KIFC3: variants seen among roughly 807,000 people sequenced by gnomAD.
KIFC3 encodes the protein kinesin-like protein KIFC3.
Under a neutral mutation model 101.8 loss-of-function variants are expected in KIFC3, and 60 were observed. That is an observed-to-expected ratio of 0.59 (90% CI 0.48 to 0.73). The LOEUF (loss-of-function observed/expected upper bound fraction) is 0.73. KIFC3 is among the 30% of genes least tolerant of loss of function. The pLI is 0.00. For missense variants in KIFC3, 966 were observed against 1,137.1 expected (o/e 0.85, Z 2.16); for synonymous variants, 476 against 482.7 (o/e 0.99, Z 0.18).
At chr16:57,853,545 G>A (rs1308130170) in intron 1 of KIFC3, among the ~76,000 whole-genome samples, 2 of 152,116 alleles carry the variant, frequency 1.3e-5, no homozygotes, top group Non-Finnish European at 2.9e-5. Context: ...ACCCAAATTC[G>A]AGCATATTAA....
chr16:57,798,064 G>GGA lies in KIFC3; in HGVS notation c.172+6_172+7dup. On this transcript the variant is annotated splice_region_variant and intron_variant, in intron 2 of 19. Coordinates refer to ENST00000445690, the MANE Select transcript of KIFC3 (RefSeq NM_001130100.2). The stretch of plus-strand genomic sequence containing the variant: ...AAATAAAGAGGCATTTTAAAAATGC[G>GGA]GACTCACCAGTTCTCAACCTCCCCG... 1.3e-6 allele frequency: 2 copies of GGA among 1,590,798 alleles called. No homozygotes were observed. Among genetic ancestry groups the GGA allele is most frequent in the Admixed American group, 1.7e-5 (1 of 57,566 alleles).
intron 1 of KIFC3, among the ~76,000 whole-genome samples, chr16:57,809,681 A>G (rs2055020279): frequency 1.3e-5 from 2 of 152,186 alleles, no homozygotes; most frequent in South Asian, 4.1e-4. Context: ...TTCTGAATAA[A>G]GAGTCTGAGC....
intron 1 of KIFC3, among the ~76,000 whole-genome samples, chr16:57,800,110 A>AAAAT (rs60844384): frequency 0.12 from 18,069 of 151,794 alleles, 1,265 homozygotes; most frequent in Middle Eastern, 0.19. Flanking sequence ...TTGAGAGGCA[A>AAAAT]AAATAAATAA....
intron 3 of KIFC3, among the ~76,000 whole-genome samples, chr16:57,791,386 T>C (rs868944566): frequency 3.0e-4 from 45 of 152,204 alleles, no homozygotes; most frequent in African/African-American, 1.1e-3. Context: ...ATTTCTGGCC[T>C]GTTGGCCAAG....
intron 2 of KIFC3, 176 bp downstream of exon 2, chr16:57,797,896 C>CG: frequency 3.4e-6 from 5 of 1,477,372 alleles, no homozygotes; most frequent in Non-Finnish European, 4.5e-6. Context: ...AGGGAAGGAG[C>CG]GCCCGGCGAG....
Position 57,758,511 on chromosome 16 carries a change from G to A in KIFC3, c.*423C>T, listed in dbSNP as rs1365387218. 1 of 487,822 alleles carries A rather than the reference G, an allele frequency of 2.0e-6. No individual in the cohort carries two copies. Among genetic ancestry groups the A allele is most frequent in the Non-Finnish European group, 3.8e-6 (1 of 259,850 alleles). The allele number at this position is 487,822 out of a possible 1,614,324, so 30.2% of individuals were successfully genotyped here. ...ACCCACCCCAGTCCCCATGGTTCTTGGGTCTGCCCAGAGGCTCCTCGCCCA... is the reference window on the plus strand; with the variant it reads ...ACCCACCCCAGTCCCCATGGTTCTTAGGTCTGCCCAGAGGCTCCTCGCCCA... On this transcript the variant is annotated 3_prime_UTR_variant, in exon 20 of 20. Transcript: ENST00000445690.
Position 57,760,273 on chromosome 16 carries a change from T to A in KIFC3, c.2367+9A>T. ...GCCACCTGAGCCAGGCCTGTGACAGTCCCCGTACCTCTAGATGCTCCTGGC... is the reference window on the plus strand; with the variant it reads ...GCCACCTGAGCCAGGCCTGTGACAGACCCCGTACCTCTAGATGCTCCTGGC... On this transcript the variant is annotated intron_variant, in intron 17 of 19. Coordinates refer to ENST00000445690, the MANE Select transcript of KIFC3 (RefSeq NM_001130100.2). The A allele has an allele frequency of 6.2e-7, 1 of 1,608,574 alleles. No individual in the cohort carries two copies. The highest frequency in any genetic ancestry group is 8.5e-7 in the Non-Finnish European group (1 of 1,176,290).
At position 57,802,448 on chromosome 16, in the gene KIFC3, C is replaced by G. The variant is rs1370128074; in HGVS notation, c.-118G>C. On this transcript the variant is annotated 5_prime_UTR_variant, in exon 1 of 20. Transcript: ENST00000445690. This position sits in a 1 kb window ranked among gnomAD's most constrained non-coding sequence, Gnocchi z 5.0. ...GGCCCGGCCCGCCGGCAGGAGGCAG[C>G]TCCACGCCGCCGCCTCCTCCTCGGC... 1.0e-6 allele frequency: 1 copy of G among 982,980 alleles called. No individual in the cohort carries two copies. Among genetic ancestry groups the G allele is most frequent in the Non-Finnish European group, 1.2e-6 (1 of 829,034 alleles). 60.9% of individuals were successfully genotyped at this position (982,980 alleles called of 1,614,324 possible).
chr16:57,767,887 G>C (rs1455132736), intron 9 of KIFC3, among the ~76,000 whole-genome samples: 1 of 152,126 alleles, frequency 6.6e-6, no homozygotes, highest in Non-Finnish European at 1.5e-5. Flanking sequence ...TGTTGCCGAA[G>C]CTGGTCTTGA....
chr16:57,769,481 G>T lies in KIFC3; in HGVS notation c.1218+114C>A. 3 of 1,339,546 alleles carry T rather than the reference G, an allele frequency of 2.2e-6. No homozygotes were observed. The highest frequency in any genetic ancestry group is 2.8e-5 in the South Asian group (2 of 71,744). 83.0% of individuals were successfully genotyped at this position (1,339,546 alleles called of 1,614,324 possible). On this transcript the variant is annotated intron_variant, in intron 9 of 19. Transcript: ENST00000445690. The surrounding 1 kb of genome is among the most constrained non-coding windows in gnomAD (Gnocchi z 4.3). ...TAAGTGTCATGGGGGGTGGGGCAGG[G>T]GCTGCTGTCTGAGCGGCTTTGTCTG...
Position 57,758,460 on chromosome 16 carries a change from G to A in KIFC3, c.*474C>T, listed in dbSNP as rs1269017321. 3.1e-5 allele frequency: 12 copies of A among 390,028 alleles called. No homozygotes were observed. Among genetic ancestry groups the A allele is most frequent in the South Asian group, 1.4e-4 (7 of 48,898 alleles). The allele number at this position is 390,028 out of a possible 1,614,324, so 24.2% of individuals were successfully genotyped here. A position where few individuals can be genotyped will look rare whatever the true frequency, so the allele number is the denominator to read the frequency against. On this transcript the variant is annotated 3_prime_UTR_variant, in exon 20 of 20. Transcript: ENST00000445690. Reference sequence around the variant, plus strand: ...GGAACCCTCCTTGAAGGAGAGGGGCGGGGAGGGCTGCCATTGGTGCCACCA... The same window carrying A: ...GGAACCCTCCTTGAAGGAGAGGGGCAGGGAGGGCTGCCATTGGTGCCACCA...
Position 57,771,540 on chromosome 16 carries a change from C to T in KIFC3, c.525+3G>A. The T allele has an allele frequency of 6.2e-7, 1 of 1,612,544 alleles. No individual in the cohort carries two copies. Among genetic ancestry groups the T allele is most frequent in the Non-Finnish European group, 8.5e-7 (1 of 1,179,290 alleles). ...GCATGGGGACCACGGCCATTCTGCT[C>T]ACCTGGCTGTGCTCACAACCTGGGC... On this transcript the variant is annotated splice_donor_region_variant and intron_variant, in intron 5 of 19. Transcript: ENST00000445690.
At chr16:57,771,145 C>T in intron 6 of KIFC3, 53 bp downstream of exon 6, 1 of 1,598,268 alleles carries the variant, frequency 6.3e-7, no homozygotes, top group Non-Finnish European at 8.5e-7. Context: ...TAGCCCTGCC[C>T]CAGGTGCCAG....
rs1444931482 is a variant in KIFC3 at position 57,770,830 on chromosome 16, G to A, written c.766-130C>T. The A allele has an allele frequency of 3.8e-6, 3 of 781,248 alleles. No individual in the cohort carries two copies. The African/African-American group carries it at 5.2e-5, about 14-fold the overall frequency. The allele number at this position is 781,248 out of a possible 1,614,324, so 48.4% of individuals were successfully genotyped here. On this transcript the variant is annotated intron_variant, in intron 6 of 19. Coordinates refer to ENST00000445690, the MANE Select transcript of KIFC3 (RefSeq NM_001130100.2). The stretch of plus-strand genomic sequence containing the variant: ...ACTCAGAAACCAGAAAAAAACTAGA[G>A]GAGCCTTGAGGTCCTGGCTTTCCAG...
chr16:57,843,482 C>T (rs62039942), intron 1 of KIFC3, among the ~76,000 whole-genome samples: 12,399 of 152,196 alleles, frequency 0.081, 505 homozygotes, highest in South Asian at 0.12. Context: ...GAACTGATGG[C>T]GCTGGGTTCT....
chr16:57,850,465 G>GTTT (rs373157438), intron 1 of KIFC3, among the ~76,000 whole-genome samples: 2,086 of 84,108 alleles, frequency 0.025, 76 homozygotes, highest in Middle Eastern at 0.051. Flanking sequence ...TTTAAAAAGG[G>GTTT]TTTTTTTTTT....
intron 2 of KIFC3, among the ~76,000 whole-genome samples, chr16:57,795,360 G>A (rs1037683391): frequency 1.3e-5 from 2 of 152,282 alleles, no homozygotes; most frequent in South Asian, 2.1e-4. Context: ...ACCAAAAGCC[G>A]CCCAAAGATT....
chr16:57,775,269 G>T lies in KIFC3; in HGVS notation c.316-2981C>A. On this transcript the variant is annotated intron_variant, in intron 3 of 19. Coordinates refer to ENST00000445690, the MANE Select transcript of KIFC3 (RefSeq NM_001130100.2). ...AGGAAGGGGCTCTAAAGGCCCCTTT[G>T]TTCAGAGGTGTCAGACACTAGGTCA... 3 of 1,279,664 alleles carry T rather than the reference G, an allele frequency of 2.3e-6. No homozygotes were observed. The South Asian group carries it at 7.8e-5, about 33-fold the overall frequency. The allele number at this position is 1,279,664 out of a possible 1,614,324, so 79.3% of individuals were successfully genotyped here. A position where few individuals can be genotyped will look rare whatever the true frequency, so the allele number is the denominator to read the frequency against.
intron 1 of KIFC3, among the ~76,000 whole-genome samples, chr16:57,823,696 G>A (rs1226608419): frequency 3.3e-5 from 5 of 151,706 alleles, no homozygotes; most frequent in African/African-American, 1.2e-4. Flanking sequence ...AGGTTCCAGC[G>A]ATTCTCCTGT....
Sources: gnomAD v4.1 joint callset for allele counts (sites outside exome capture counted in the v4.1 genomes callset) on GRCh38, gnomAD v4.1.1 for gene constraint, Gnocchi (gnomAD v3.1) non-coding constraint, MANE v1.5 for transcripts, NCBI Gene and HGNC (gene_info 2026-07-23, HGNC 2026-07-21) for gene names.